SEMA5A: variants seen among roughly 807,000 people sequenced by gnomAD.
SEMA5A encodes the protein semaphorin-5A.
In SEMA5A, 55 loss-of-function variants were observed where a neutral mutation model predicts 135.5. That is an observed-to-expected ratio of 0.41 (90% CI 0.33 to 0.51). The LOEUF (loss-of-function observed/expected upper bound fraction) is 0.51, where lower values mean the gene tolerates loss of function less well. Ranked by LOEUF, SEMA5A falls within the 20% of genes least tolerant of loss-of-function variation. SEMA5A has a pLI of 0.37. For synonymous variants in SEMA5A, 580 were observed against 546.5 expected (o/e 1.06, Z -0.85); for missense variants, 1,290 against 1,419.9 (o/e 0.91, Z 1.47).
intron 1 of SEMA5A, among the ~76,000 whole-genome samples, chr5:9,490,254 C>T (rs1369787854): frequency 6.6e-6 from 1 of 151,998 alleles, no homozygotes; most frequent in Non-Finnish European, 1.5e-5. Context: ...CACTAAAGGC[C>T]TAACACAGCA....
At chr5:9,250,701 A>C (rs183216738) in intron 5 of SEMA5A, among the ~76,000 whole-genome samples, 116 of 152,320 alleles carry the variant, frequency 7.6e-4, no homozygotes, top group African/African-American at 2.6e-3. Flanking sequence ...TTTTCAAAGT[A>C]ATACAATAAT....
intron 12 of SEMA5A, among the ~76,000 whole-genome samples, chr5:9,141,436 A>T (rs1409174204): frequency 2.0e-5 from 3 of 152,238 alleles, no homozygotes; most frequent in Non-Finnish European, 4.4e-5. Flanking sequence ...ATAATTATCA[A>T]CATTCAATTT....
At chr5:9,428,518 C>A (rs1271584638) in intron 2 of SEMA5A, among the ~76,000 whole-genome samples, 1 of 152,120 alleles carries the variant, frequency 6.6e-6, no homozygotes, top group Admixed American at 6.6e-5. Flanking sequence ...TATTTGAATA[C>A]CTCACCTTCC....
rs199968676 is a variant in SEMA5A at position 9,122,712 on chromosome 5, C to T, written c.1725G>A (p.Pro575=). ...CRTRSCDSPA[P]QCGGWQCEGP... ...CCTCGCACTGCCAGCCACCACACTGCGGGGCCGGGCTGTCGCAGGAGCGGG... is the reference window on the plus strand; with the variant it reads ...CCTCGCACTGCCAGCCACCACACTGTGGGGCCGGGCTGTCGCAGGAGCGGG... The change falls in exon 14 of 23, where the codon CCG becomes CCA. Residue 575 remains proline (P), a synonymous_variant. Coordinates refer to ENST00000382496, the MANE Select transcript of SEMA5A (RefSeq NM_003966.3). 7.4e-6 allele frequency: 12 copies of T among 1,612,996 alleles called. No individual in the cohort carries two copies. The highest frequency in any genetic ancestry group is 5.3e-5 in the African/African-American group (4 of 74,888).
chr5:9,410,732 T>A (rs937536068), intron 2 of SEMA5A, among the ~76,000 whole-genome samples: 1 of 151,820 alleles, frequency 6.6e-6, no homozygotes, highest in African/African-American at 2.4e-5. Context: ...AGGGGAGGAA[T>A]CTTAGAGAGC....
At chr5:9,501,227 A>G (rs1735579798) in intron 1 of SEMA5A, among the ~76,000 whole-genome samples, 1 of 152,356 alleles carries the variant, frequency 6.6e-6, no homozygotes, top group East Asian at 1.9e-4. Flanking sequence ...ACACAATTTA[A>G]TCTCTGACCT....
chr5:9,127,187 T>C (rs963765623), intron 13 of SEMA5A, among the ~76,000 whole-genome samples: 4 of 152,212 alleles, frequency 2.6e-5, no homozygotes, highest in Non-Finnish European at 5.9e-5. Context: ...GAATCAGTCA[T>C]GCTGGAATTC....
intron 8 of SEMA5A, among the ~76,000 whole-genome samples, chr5:9,209,973 T>C (rs1746254032): frequency 6.6e-6 from 1 of 152,178 alleles, no homozygotes; most frequent in South Asian, 2.1e-4. Context: ...ACTGCTAGAA[T>C]CTCTAGACAA....
intron 13 of SEMA5A, among the ~76,000 whole-genome samples, chr5:9,135,523 T>A (rs1288165877): frequency 2.6e-5 from 4 of 152,006 alleles, no homozygotes; most frequent in Non-Finnish European, 5.9e-5. Flanking sequence ...TTTATGAATA[T>A]GTGGTTGAGA....
At chr5:9,266,417 A>G (rs1749686396) in intron 5 of SEMA5A, among the ~76,000 whole-genome samples, 1 of 151,328 alleles carries the variant, frequency 6.6e-6, no homozygotes, top group Non-Finnish European at 1.5e-5. Flanking sequence ...CAATCTTTAG[A>G]GGGCCATGGC....
At chr5:9,178,331 C>CTTTTT (rs5865809) in intron 11 of SEMA5A, among the ~76,000 whole-genome samples, 22 of 123,598 alleles carry the variant, frequency 1.8e-4, no homozygotes, top group South Asian at 5.1e-4. Flanking sequence ...TTTTTCTCTC[C>CTTTTT]TTTTTTTTTT....
intron 2 of SEMA5A, among the ~76,000 whole-genome samples, chr5:9,420,382 G>A (rs1437269137): frequency 1.3e-5 from 2 of 152,284 alleles, no homozygotes; most frequent in East Asian, 3.9e-4. Flanking sequence ...ACTCATAGAA[G>A]AGGAAAATGA....
At chr5:9,129,193 G>A (rs1380675448) in intron 13 of SEMA5A, among the ~76,000 whole-genome samples, 2 of 152,140 alleles carry the variant, frequency 1.3e-5, no homozygotes, top group Non-Finnish European at 2.9e-5. Flanking sequence ...AGAATGAAGA[G>A]GAAAGAGGCA....
chr5:9,310,508 C>CT (rs1752077391), intron 5 of SEMA5A, among the ~76,000 whole-genome samples: 1 of 151,930 alleles, frequency 6.6e-6, no homozygotes, highest in Admixed American at 6.6e-5. Flanking sequence ...GGAGACCAGT[C>CT]TCTCCTTGCC....
chr5:9,414,300 T>C (rs566727088), intron 2 of SEMA5A, among the ~76,000 whole-genome samples: 9 of 152,346 alleles, frequency 5.9e-5, no homozygotes, highest in Non-Finnish European at 1.2e-4. Context: ...GATCTAGCGA[T>C]TCAACTATAA....
intron 1 of SEMA5A, among the ~76,000 whole-genome samples, chr5:9,464,857 G>A (rs953196316): frequency 4.6e-5 from 7 of 152,234 alleles, no homozygotes; most frequent in Non-Finnish European, 7.3e-5. Context: ...TGGAGCAGAT[G>A]CCAGTGGCAA....
intron 5 of SEMA5A, among the ~76,000 whole-genome samples, chr5:9,289,345 C>T (rs373079855): frequency 6.6e-6 from 1 of 152,150 alleles, no homozygotes; most frequent in East Asian, 1.9e-4. Context: ...CTGTTTTCTA[C>T]ATTCAATTTA....
At chr5:9,316,270 A>G (rs951004371) in intron 5 of SEMA5A, among the ~76,000 whole-genome samples, 1 of 152,164 alleles carries the variant, frequency 6.6e-6, no homozygotes, top group African/African-American at 2.4e-5. Flanking sequence ...AAGCTCTTCC[A>G]GTCTTATCTG....
chr5:9,450,816 T>C (rs1002040309), intron 1 of SEMA5A, among the ~76,000 whole-genome samples: 2 of 152,120 alleles, frequency 1.3e-5, no homozygotes, highest in East Asian at 1.9e-4. Flanking sequence ...AAAATCAATA[T>C]GTCCTTAGCA....
Sources: gnomAD v4.1 joint callset for allele counts (sites outside exome capture counted in the v4.1 genomes callset) on GRCh38, gnomAD v4.1.1 for gene constraint, MANE v1.5 for transcripts, NCBI Gene and HGNC (gene_info 2026-07-23, HGNC 2026-07-21) for gene names.